The following ZFYVE26 variants were observed in gnomAD, a reference collection of about 807,000 sequenced individuals.
ZFYVE26 encodes the protein zinc finger FYVE-type containing 26, also known as zinc finger FYVE domain-containing protein 26.
ZFYVE26 carries 181 observed loss-of-function variants against 276.5 expected under a neutral mutation model. The observed-to-expected ratio is 0.65, with a 90% CI of 0.58 to 0.74. ZFYVE26 has a LOEUF of 0.74. Among genes scored for constraint, ZFYVE26 ranks in the 30% least tolerant of loss-of-function variants. The pLI, the probability that ZFYVE26 is intolerant of heterozygous loss-of-function variation, is 0.00. For synonymous variants in ZFYVE26, 1,129 were observed against 1,203.1 expected (o/e 0.94, Z 1.27); for missense variants, 2,821 against 3,097.9 (o/e 0.91, Z 2.12).
chr14:67,748,513 C>T lies in ZFYVE26; in HGVS notation c.7543G>A (p.Val2515Ile). 1 of 1,613,952 alleles carries T rather than the reference C, an allele frequency of 6.2e-7. No individual in the cohort carries two copies. Among genetic ancestry groups the T allele is most frequent in the South Asian group, 1.1e-5 (1 of 91,076 alleles). ...QQAAKSSGDA[V>I]VQDICAQWLL... ...CACTGGGCACAGATGTCTTGCACTA[C>T]TGCATCCCCGCTGCTCTTGGCGGCC... is the stretch of plus-strand genomic sequence containing the variant. The change falls in exon 42 of 42, where the codon GTA (valine) becomes ATA (isoleucine). Residue 2515 changes from valine (V) to isoleucine (I), a missense_variant. Coordinates refer to ENST00000347230, the MANE Select transcript of ZFYVE26 (RefSeq NM_015346.4).
intron 9 of ZFYVE26, among the ~76,000 whole-genome samples, chr14:67,803,728 GAA>G (rs2040123183): frequency 6.6e-6 from 1 of 152,188 alleles, no homozygotes; most frequent in African/African-American, 2.4e-5. Context: ...CATGCTATCA[GAA>G]AGCTTATAAA....
At chr14:67,732,429 C>CAAAAAAAA (rs11310522) in intron 13 of ZFYVE26, among the ~76,000 whole-genome samples, 1 of 126,492 alleles carries the variant, frequency 7.9e-6, no homozygotes, top group Non-Finnish European at 1.7e-5. Context: ...GACCCTATCT[C>CAAAAAAAA]AAAAAAAAAA....
At chr14:67,776,452 G>C (rs562794708) in intron 25 of ZFYVE26, among the ~76,000 whole-genome samples, 1 of 152,236 alleles carries the variant, frequency 6.6e-6, no homozygotes, top group Admixed American at 6.5e-5. Flanking sequence ...ATAGTTGCAC[G>C]TGTGTTCCAA....
exon 14 of ZFYVE26, chr14:67,729,260 T>A (rs2038234207): frequency 6.2e-7 from 1 of 1,607,948 alleles, no homozygotes. Context: ...CACTCCTCCC[T>A]GCTCTGCCTG....
chr14:67,729,590 A>T, exon 14 of ZFYVE26: 1 of 642,750 alleles, frequency 1.6e-6, no homozygotes, highest in Non-Finnish European at 2.8e-6. Context: ...GCTTTATTTT[A>T]TACTCGTGTG....
chr14:67,811,993 C>T (rs932089137), intron 3 of ZFYVE26, among the ~76,000 whole-genome samples: 3 of 146,270 alleles, frequency 2.1e-5, no homozygotes, highest in Admixed American at 7.2e-5. Context: ...TATATATTCT[C>T]ACTGAAGGAG....
chr14:67,754,651 G>C (rs1403509748), intron 37 of ZFYVE26, among the ~76,000 whole-genome samples: 3 of 152,238 alleles, frequency 2.0e-5, no homozygotes, highest in Non-Finnish European at 4.4e-5. Flanking sequence ...TCTATGTAGA[G>C]GGACTGGCAA....
rs779915079 is a variant in ZFYVE26, at chr14:67,777,689, T to C, written c.4844A>G (p.Glu1615Gly). The C allele has an allele frequency of 2.5e-6, 4 of 1,614,164 alleles. No homozygotes were observed. In the East Asian group the frequency reaches 8.9e-5, roughly 36 times the overall value. The change falls in exon 25 of 42, where the codon GAG becomes GGG. Residue 1615 changes from glutamate to glycine, a missense_variant. Transcript: ENST00000347230. ...GCTAGTGTGCTGGTCGAGGGATTGC[T>C]CTGTCACTTCAAGGCACATGGTGGG... ...PDPTMCLEVTEQSLDQHTSLA... is the reference protein window; with the variant it reads ...PDPTMCLEVTGQSLDQHTSLA...
chr14:67,799,669 T>C (rs537752296), intron 10 of ZFYVE26: 3 of 1,226,184 alleles, frequency 2.4e-6, no homozygotes, highest in Admixed American at 3.7e-5. Context: ...GGCAAGGTGC[T>C]GGCAAGATTT....
chr14:67,771,514 G>A (rs2039208606), intron 28 of ZFYVE26, among the ~76,000 whole-genome samples: 1 of 152,222 alleles, frequency 6.6e-6, no homozygotes, highest in Non-Finnish European at 1.5e-5. Flanking sequence ...AGCTGATGTG[G>A]CATACTGGGC....
At position 67,781,342 on chromosome 14, in the gene ZFYVE26, C is replaced by T. The variant is rs1427063432; in HGVS notation, c.4560G>A (p.Val1520=). The T allele has an allele frequency of 1.9e-6, 3 of 1,614,042 alleles. No homozygotes were observed. Among genetic ancestry groups the T allele is most frequent in the East Asian group, 2.2e-5 (1 of 44,900 alleles). Residue 1520 remains valine (V), a synonymous_variant, in exon 22 of 42, where the codon GTG becomes GTA. Transcript: ENST00000347230. ...ELQRKLAELQ[V]YQKILGLQSP... ...ATGCGAGGGCCCATACCTTCTGATA[C>T]ACCTGCAGCTCCGCCAGCTTCCTCT... is the stretch of plus-strand genomic sequence containing the variant.
rs770457525 is a variant in ZFYVE26 at position 67,806,669 on chromosome 14, G to A, written c.893C>T (p.Pro298Leu). The change falls in exon 6 of 42, where the codon CCG becomes CTG. Residue 298 changes from proline (P) to leucine (L), a missense_variant. By Grantham distance (98) the Pro-to-Leu change is moderately conservative. Coordinates refer to ENST00000347230, the MANE Select transcript of ZFYVE26 (RefSeq NM_015346.4). Reference protein sequence around the residue: ...PRATASGKVSPDHLDPERAML... With the variant: ...PRATASGKVSLDHLDPERAML... ...TGCCCGCTCAGGATCTAGATGATCCGGTGAGACTGAACATCAAACAAGACG... is the reference window on the plus strand; with the variant it reads ...TGCCCGCTCAGGATCTAGATGATCCAGTGAGACTGAACATCAAACAAGACG... The A allele has an allele frequency of 1.6e-5, 26 of 1,613,832 alleles. No homozygotes were observed. In the African/African-American group the frequency reaches 1.9e-4, roughly 12 times the overall value.
intron 13 of ZFYVE26, among the ~76,000 whole-genome samples, chr14:67,739,012 G>A (rs2038384315): frequency 6.6e-6 from 1 of 152,204 alleles, no homozygotes; most frequent in Non-Finnish European, 1.5e-5. Flanking sequence ...CTGATGGGCT[G>A]CCAGGGCTGT....
intron 12 of ZFYVE26, among the ~76,000 whole-genome samples, chr14:67,795,365 G>C (rs1431535831): frequency 1.3e-5 from 2 of 152,194 alleles, no homozygotes. Flanking sequence ...CACTTAGCTA[G>C]AGCCTACTCA....
rs1392349653 is a variant in ZFYVE26 at position 67,754,186 on chromosome 14, A to G, written c.7013T>C (p.Met2338Thr). The change falls in exon 38 of 42, where the codon ATG becomes ACG. Residue 2338 changes from methionine to threonine, a missense_variant. Coordinates refer to ENST00000347230, the MANE Select transcript of ZFYVE26 (RefSeq NM_015346.4). ...CCGATGCAAGAACCTGGTCACTTCCATCTGCAGCTGAAGTGTGTTCATGTG... is the reference window on the plus strand; with the variant it reads ...CCGATGCAAGAACCTGGTCACTTCCGTCTGCAGCTGAAGTGTGTTCATGTG... ...SRHMNTLQLQ[M>T]EVTRFLHRCE... The G allele has an allele frequency of 1.2e-6, 2 of 1,614,238 alleles. No individual in the cohort carries two copies. The highest frequency in any genetic ancestry group is 4.5e-5 in the East Asian group (2 of 44,886).
chr14:67,766,405 G>A lies in ZFYVE26; in HGVS notation c.5833C>T (p.Arg1945Trp), dbSNP rs778537174. The A allele has an allele frequency of 8.1e-6, 13 of 1,612,460 alleles. No homozygotes were observed. Among genetic ancestry groups the A allele is most frequent in the Admixed American group, 1.7e-5 (1 of 60,018 alleles). ...TGGTGACCACAGGCAATGCTGTCCC[G>A]GTGCAGATTCAGGATGGCAATGCAC... Reference protein sequence around the residue: ...SLCIAILNLHRDSIACGHQLI... With the variant: ...SLCIAILNLHWDSIACGHQLI... Residue 1945 changes from arginine (R) to tryptophan (W), a missense_variant, in exon 32 of 42, where the codon CGG becomes TGG. Arg to Trp is a moderately radical substitution (Grantham distance 101, BLOSUM62 -3). Coordinates refer to ENST00000347230, the MANE Select transcript of ZFYVE26 (RefSeq NM_015346.4).
At chr14:67,730,373 A>G (rs956893508) in intron 13 of ZFYVE26, among the ~76,000 whole-genome samples, 1 of 152,218 alleles carries the variant, frequency 6.6e-6, no homozygotes, top group Non-Finnish European at 1.5e-5. Context: ...GTAAGTGTAC[A>G]GTGCATACCA....
Position 67,782,782 on chromosome 14 carries a change from C to T in ZFYVE26, c.4370G>A (p.Cys1457Tyr), listed in dbSNP as rs2235967. ...GGGAGGCATAGCATTCTGCTCACCA[C>T]ATGCCACAGCACAGCTCAGGACTGC... ...KDAVLSCAVA[C>Y]DKEGWQYLFP... The change falls in exon 21 of 42, where the codon TGT becomes TAT. Residue 1457 changes from cysteine (C) to tyrosine (Y), a missense_variant and splice_region_variant. Transcript: ENST00000347230. 505,216 of 1,613,970 alleles carry T rather than the reference C, an allele frequency of 0.31. 85,746 individuals are homozygous for T. Among genetic ancestry groups the T allele is most frequent in the Non-Finnish European group, 0.35 (415,986 of 1,179,962 alleles).
intron 14 of ZFYVE26, chr14:67,729,052 C>A: frequency 1.2e-6 from 1 of 865,030 alleles, no homozygotes. Flanking sequence ...TTCCGCCTGG[C>A]CAGGAGTGGT....
Sources: allele counts gnomAD v4.1 joint callset (sites outside exome capture counted in the v4.1 genomes callset), GRCh38; gene constraint gnomAD v4.1.1; transcripts MANE v1.5; gene names NCBI Gene and HGNC (gene_info 2026-07-23, HGNC 2026-07-21).